Variants in SLC30A7 observed in about 807,000 individuals in gnomAD.
The protein encoded by SLC30A7 is solute carrier family 30 member 7.
In SLC30A7, 35 loss-of-function variants were observed where a neutral mutation model predicts 46.0. The ratio of observed to expected loss-of-function variants is 0.76; its 90% CI spans 0.58 to 1.01. SLC30A7 has a LOEUF of 1.01. SLC30A7 is among the 50% of genes least tolerant of loss of function. The probability of loss-of-function intolerance (pLI) is 0.00; values close to 1 mark genes in which losing one functional copy is unlikely to be tolerated. For missense variants in SLC30A7, 464 were observed against 451.1 expected (o/e 1.03, Z -0.26); for synonymous variants, 147 against 157.8 (o/e 0.93, Z 0.51).
At chr1:100,988,856 A>T in the SLC30A7 span, among the ~76,000 whole-genome samples, 1 of 151,872 alleles carries the variant, frequency 6.6e-6, no homozygotes, top group East Asian at 1.9e-4. Context: ...TCTCAAAAAT[A>T]AATAAATAAA....
chr1:100,994,967 G>A, the SLC30A7 span: 35 of 583,696 alleles, frequency 6.0e-5, no homozygotes, highest in East Asian at 2.0e-4. Context: ...TTATCATTTC[G>A]TAAGAATAAA....
In SLC30A7 at chr1:100,975,309, G is replaced by GT. The variant is rs1391710860; in HGVS notation, c.*453dup. 1 of 153,622 alleles carries GT rather than the reference G, an allele frequency of 6.5e-6. No homozygotes were observed. The highest frequency in any genetic ancestry group is 1.5e-5 in the Non-Finnish European group (1 of 68,872). 9.5% of individuals were successfully genotyped at this position (153,622 alleles called of 1,614,324 possible). ...CACTGCTTTCATTCCCACAAAACCA[G>GT]TATTACTTTTTTTTAAAAAAAGAAA... On this transcript the variant is annotated 3_prime_UTR_variant, in exon 11 of 11. Coordinates refer to ENST00000357650, the MANE Select transcript of SLC30A7 (RefSeq NM_133496.5).
chr1:100,950,727 G>A (rs1654906738), intron 8 of SLC30A7, among the ~76,000 whole-genome samples: 1 of 152,148 alleles, frequency 6.6e-6, no homozygotes, highest in Non-Finnish European at 1.5e-5. Flanking sequence ...AGCCCACAAA[G>A]TCACTTTTAT....
At chr1:100,973,064 A>G (rs1384502794) in intron 10 of SLC30A7, among the ~76,000 whole-genome samples, 6 of 151,802 alleles carry the variant, frequency 4.0e-5, no homozygotes, top group East Asian at 1.9e-4. Context: ...ACAGGAAAAA[A>G]AAAAAGAAAA....
chr1:100,910,228 C>T (rs1300230021), intron 3 of SLC30A7, among the ~76,000 whole-genome samples: 1 of 151,988 alleles, frequency 6.6e-6, no homozygotes, highest in African/African-American at 2.4e-5. Flanking sequence ...TGTTTAAGGA[C>T]CAGAGTGGTT....
At chr1:100,946,211 A>G (rs368378276) in intron 8 of SLC30A7, among the ~76,000 whole-genome samples, 30 of 152,324 alleles carry the variant, frequency 2.0e-4, no homozygotes, top group East Asian at 7.7e-4. Context: ...TTTTCTAAAT[A>G]TACATTCATG....
chr1:100,992,557 G>T, the SLC30A7 span: 1 of 961,040 alleles, frequency 1.0e-6, no homozygotes, highest in Non-Finnish European at 1.6e-6. Context: ...TTCCATAGTG[G>T]TATGAGATAT....
Position 100,974,189 on chromosome 1 carries a change from A to G in SLC30A7, c.1084-621A>G, listed in dbSNP as rs1354046465. ...TGAAGTTTGGGCTTTTAGTGCAACT[A>G]TCACCTGAATAGTGTACATTGTACC... is the stretch of plus-strand genomic sequence containing the variant. On this transcript the variant is annotated intron_variant, in intron 10 of 10. Transcript: ENST00000357650. Among the ~76,000 whole-genome samples the G allele has an allele frequency of 7.9e-5, 12 of 152,208 alleles. No homozygotes were observed. In the East Asian group the frequency reaches 1.9e-3, roughly 24 times the overall value.
intron 8 of SLC30A7, among the ~76,000 whole-genome samples, chr1:100,937,481 T>C (rs1029309215): frequency 1.3e-5 from 2 of 152,204 alleles, no homozygotes; most frequent in African/African-American, 4.8e-5. Context: ...TTTTTGTTTT[T>C]TGTTTCTGTT....
At chr1:100,958,267 C>T (rs1193946227) in intron 8 of SLC30A7, among the ~76,000 whole-genome samples, 1 of 152,122 alleles carries the variant, frequency 6.6e-6, no homozygotes, top group African/African-American at 2.4e-5. Context: ...AGCTCCACCT[C>T]CCGGGTTCAC....
intron 6 of SLC30A7, among the ~76,000 whole-genome samples, chr1:100,915,850 T>C (rs982943000): frequency 1.3e-5 from 2 of 152,218 alleles, no homozygotes; most frequent in Non-Finnish European, 2.9e-5. Flanking sequence ...CCCTCCATAC[T>C]GTTTTCCATA....
chr1:100,925,115 C>A (rs1473001940), intron 8 of SLC30A7, among the ~76,000 whole-genome samples: 1 of 152,186 alleles, frequency 6.6e-6, no homozygotes, highest in East Asian at 1.9e-4. Flanking sequence ...TGGAAGACTT[C>A]TGAAGAAGAG....
At chr1:100,927,933 G>C (rs1042975014) in intron 8 of SLC30A7, among the ~76,000 whole-genome samples, 2 of 152,154 alleles carry the variant, frequency 1.3e-5, no homozygotes, top group Admixed American at 6.5e-5. Context: ...TCCAGAAATA[G>C]AAAGGGTTGT....
At chr1:100,948,578 G>A (rs1043717788) in intron 8 of SLC30A7, among the ~76,000 whole-genome samples, 25 of 152,302 alleles carry the variant, frequency 1.6e-4, no homozygotes, top group Middle Eastern at 3.4e-3. Flanking sequence ...TCCTGAATTT[G>A]TATGTTGGCC....
chr1:100,991,084 G>A, the SLC30A7 span, among the ~76,000 whole-genome samples: 8 of 152,140 alleles, frequency 5.3e-5, no homozygotes, highest in Non-Finnish European at 1.2e-4. Context: ...AATTAGCTGT[G>A]TGATAAACTT....
At chr1:100,984,100 G>T (rs559112470), downstream of SLC30A7, among the ~76,000 whole-genome samples, 85 of 152,280 alleles carry the variant, frequency 5.6e-4, no homozygotes, top group Non-Finnish European at 1.1e-3. Flanking sequence ...GCTTCCAAAA[G>T]CTTTGGCCAG....
chr1:100,984,821 A>C (rs555050660), downstream of SLC30A7, among the ~76,000 whole-genome samples: 4 of 152,376 alleles, frequency 2.6e-5, no homozygotes, highest in South Asian at 8.3e-4. Flanking sequence ...TAAAGCTGAG[A>C]TATCAATCTT....
chr1:100,990,060 G>A, the SLC30A7 span: 2 of 271,106 alleles, frequency 7.4e-6, no homozygotes, highest in Admixed American at 9.9e-5. Flanking sequence ...ACCCGAGACT[G>A]GGTAATTATA....
chr1:100,906,796 A>T (rs1289393544), intron 2 of SLC30A7, 56 bp from the exon 3 acceptor site: 4 of 1,144,786 alleles, frequency 3.5e-6, no homozygotes, highest in Non-Finnish European at 5.3e-6. Context: ...TTTCAGAGAA[A>T]GATGCCTACT....
Sources: allele counts gnomAD v4.1 joint callset (sites outside exome capture counted in the v4.1 genomes callset), GRCh38; gene constraint gnomAD v4.1.1; transcripts MANE v1.5; gene names NCBI Gene and HGNC (gene_info 2026-07-23, HGNC 2026-07-21).